KIF1A: variants seen among roughly 807,000 people sequenced by gnomAD.
The protein encoded by KIF1A is kinesin-like protein KIF1A.
In KIF1A, 46 loss-of-function variants were observed where a neutral mutation model predicts 227.3. The ratio of observed to expected loss-of-function variants is 0.20; its 90% CI spans 0.16 to 0.26. The LOEUF is 0.26. KIF1A is among the 10% of genes least tolerant of loss of function. The pLI is 1.00. For missense variants in KIF1A, 1,683 were observed against 2,485.9 expected, an observed-to-expected ratio of 0.68 and a Z score of 6.87; for synonymous variants, 1,022 against 1,012.8, an observed-to-expected ratio of 1.01 and a Z score of -0.17.
intron 23 of KIF1A, among the ~76,000 whole-genome samples, chr2:240,761,764 G>A (rs1156420142): frequency 2.6e-5 from 4 of 152,182 alleles, no homozygotes; most frequent in East Asian, 3.8e-4. Context: ...AGGAGAGGCC[G>A]CCACGAGCAG....
Position 240,775,819 on chromosome 2 carries a change from C to A in KIF1A, c.958+32G>T. ...GGCACAGCCCAGGGTGGGATCAGAG[C>A]CCTGGGGACAGGCAAACCCACAAGT... On this transcript the variant is annotated intron_variant, in intron 11 of 48. Coordinates refer to ENST00000498729, the MANE Select transcript of KIF1A (RefSeq NM_001244008.2). The surrounding 1 kb of genome is among the most constrained non-coding windows in gnomAD (Gnocchi z 5.5). 6.8e-7 allele frequency: 1 copy of A among 1,469,580 alleles called. No homozygotes were observed. Among genetic ancestry groups the A allele is most frequent in the Non-Finnish European group, 9.5e-7 (1 of 1,048,232 alleles). The allele number at this position is 1,469,580 out of a possible 1,614,324, so 91.0% of individuals were successfully genotyped here.
chr2:240,796,099 C>T (rs990042598), intron 2 of KIF1A, among the ~76,000 whole-genome samples: 6 of 152,150 alleles, frequency 3.9e-5, no homozygotes, highest in African/African-American at 7.2e-5. Flanking sequence ...GTGGAACAGG[C>T]GTCCTCTGCC....
At chr2:240,741,216 G>A (rs4414678) in intron 35 of KIF1A, 53 bp downstream of exon 35, 102 of 1,272,502 alleles carry the variant, frequency 8.0e-5, no homozygotes, top group Non-Finnish European at 1.1e-4. Context: ...GTCCCTCTCC[G>A]CGCACCCCCC....
At position 240,790,343 on chromosome 2, in the gene KIF1A, C is replaced by T. The variant is rs1010255130; in HGVS notation, c.107-1031G>A. ...CCATCACATCAGCAAACCTGAAGAA[C>T]GAAGCCCTCATGGCACCGTCCTATG... On this transcript the variant is annotated intron_variant, in intron 2 of 48. Coordinates refer to ENST00000498729, the MANE Select transcript of KIF1A (RefSeq NM_001244008.2). The surrounding 1 kb of genome is among the most constrained non-coding windows in gnomAD (Gnocchi z 5.0). Among the ~76,000 whole-genome samples, 2 of 152,012 alleles carry T rather than the reference C, an allele frequency of 1.3e-5. No homozygotes were observed. Among genetic ancestry groups the T allele is most frequent in the African/African-American group, 2.4e-5 (1 of 41,418 alleles).
chr2:240,806,190 G>A (rs868667793), intron 1 of KIF1A, among the ~76,000 whole-genome samples: 32 of 152,224 alleles, frequency 2.1e-4, no homozygotes, highest in African/African-American at 7.7e-4. Flanking sequence ...GCTTTGACAG[G>A]TTGAGAAGAT....
At chr2:240,751,307 G>A (rs1358702484) in intron 27 of KIF1A, among the ~76,000 whole-genome samples, 2 of 152,186 alleles carry the variant, frequency 1.3e-5, no homozygotes, top group African/African-American at 4.8e-5. Context: ...ACAGCCAGGC[G>A]GAAGGATACC....
At position 240,775,873 on chromosome 2, in the gene KIF1A, G is replaced by A. The variant is rs1397144896; in HGVS notation, c.936C>T (p.Thr312=). 1 of 1,611,720 alleles carries A rather than the reference G, an allele frequency of 6.2e-7. No individual in the cohort carries two copies. Among genetic ancestry groups the A allele is most frequent in the East Asian group, 2.2e-5 (1 of 44,870 alleles). Residue 312 remains threonine (T), a synonymous_variant, in exon 11 of 49, where the codon ACC becomes ACT. Coordinates refer to ENST00000498729, the MANE Select transcript of KIF1A (RefSeq NM_001244008.2). This position sits in a 1 kb window ranked among gnomAD's most constrained non-coding sequence, Gnocchi z 5.5. The stretch of plus-strand genomic sequence containing the variant: ...CACCCAGGTTTTCCCGGAGGAGCCA[G>A]GTCAACACGGAATCTCGGTACGGAA... ...DFIPYRDSVL[T]WLLRENLGGN... is the part of the protein sequence containing the mutation.
At chr2:240,744,759 C>A (rs1029747480) in intron 32 of KIF1A, among the ~76,000 whole-genome samples, 7 of 152,306 alleles carry the variant, frequency 4.6e-5, no homozygotes, top group East Asian at 1.9e-4. Flanking sequence ...TTTTTAGATG[C>A]CCCCACCTGT....
intron 10 of KIF1A, among the ~76,000 whole-genome samples, chr2:240,777,012 C>T (rs2052823318): frequency 6.6e-6 from 1 of 152,156 alleles, no homozygotes; most frequent in Non-Finnish European, 1.5e-5. Context: ...TAGGGACTAA[C>T]TCTACTCTAT....
rs906923789 is a variant in KIF1A, at chr2:240,727,605, G to T, written c.4008-665C>A. Among the ~76,000 whole-genome samples, 9 of 152,348 alleles carry T rather than the reference G, an allele frequency of 5.9e-5. No homozygotes were observed. In the East Asian group the frequency reaches 1.4e-3, roughly 23 times the overall value. Reference sequence around the variant, plus strand: ...CTGCTGCAAGGCCGTGTGCAAAAGCGTCTCTGTTAGCACACGGGAGACAGC... The same window carrying T: ...CTGCTGCAAGGCCGTGTGCAAAAGCTTCTCTGTTAGCACACGGGAGACAGC... On this transcript the variant is annotated intron_variant, in intron 38 of 48. Coordinates refer to ENST00000498729, the MANE Select transcript of KIF1A (RefSeq NM_001244008.2).
chr2:240,758,871 G>A lies in KIF1A; in HGVS notation c.2445-374C>T, dbSNP rs565607424. ...GAAACGGGGATCAGGCCACAGAGGC[G>A]CAAGAGCTCGAGGAATAAAGGGCAA... On this transcript the variant is annotated intron_variant, in intron 25 of 48. Coordinates refer to ENST00000498729, the MANE Select transcript of KIF1A (RefSeq NM_001244008.2). This position sits in a 1 kb window ranked among gnomAD's most constrained non-coding sequence, Gnocchi z 5.2. 8.5e-5 allele frequency among the ~76,000 whole-genome samples: 13 copies of A among 152,300 alleles called. No homozygotes were observed. Among genetic ancestry groups the A allele is most frequent in the East Asian group, 3.9e-4 (2 of 5,182 alleles).
rs1465333210 is a variant in KIF1A at position 240,739,366 on chromosome 2, G to A, written c.3901+692C>T. ...CCCGAATTCGAAACATGAGGTCATG[G>A]AAGAAAAGAGTGTAAGATCCTTGGT... On this transcript the variant is annotated intron_variant, in intron 37 of 48. Transcript: ENST00000498729. The surrounding 1 kb of genome is among the most constrained non-coding windows in gnomAD (Gnocchi z 5.6). 6.6e-6 allele frequency among the ~76,000 whole-genome samples: 1 copy of A among 152,234 alleles called. No individual in the cohort carries two copies. The highest frequency in any genetic ancestry group is 2.4e-5 in the African/African-American group (1 of 41,464).
chr2:240,761,609 C>A (rs780751726), intron 23 of KIF1A, among the ~76,000 whole-genome samples: 5 of 152,210 alleles, frequency 3.3e-5, no homozygotes, highest in Non-Finnish European at 7.3e-5. Flanking sequence ...TCTCCCCAGG[C>A]TTCCTCTCAC....
At chr2:240,794,201 CCTT>C (rs1444388237) in intron 2 of KIF1A, among the ~76,000 whole-genome samples, 3 of 152,226 alleles carry the variant, frequency 2.0e-5, no homozygotes, top group African/African-American at 7.2e-5. Flanking sequence ...TAGGGGACAT[CCTT>C]CTCTCCTGAG....
chr2:240,762,959 G>A (rs2050710980), intron 22 of KIF1A, 60 bp downstream of exon 22: 2 of 1,212,780 alleles, frequency 1.6e-6, no homozygotes, highest in Non-Finnish European at 2.2e-6. Context: ...GGCGTGGGAG[G>A]ACAGGGGTCC....
intron 5 of KIF1A, 146 bp from the exon 6 acceptor site, chr2:240,786,659 G>GAGAT: frequency 2.0e-6 from 1 of 510,782 alleles, no homozygotes; most frequent in Non-Finnish European, 3.1e-6. Context: ...CCTGAGTGAG[G>GAGAT]GGGTGGGGGC....
intron 25 of KIF1A, among the ~76,000 whole-genome samples, chr2:240,760,212 G>A (rs553582789): frequency 1.3e-5 from 2 of 152,272 alleles, no homozygotes; most frequent in South Asian, 2.1e-4. Context: ...CCACCTCCCG[G>A]CAGCTTCCTG....
chr2:240,812,400 C>T (rs1264632728), intron 1 of KIF1A, among the ~76,000 whole-genome samples: 1 of 152,220 alleles, frequency 6.6e-6, no homozygotes, highest in Non-Finnish European at 1.5e-5. Context: ...GAGGCCCATG[C>T]TGCAGAGCAT....
intron 1 of KIF1A, among the ~76,000 whole-genome samples, chr2:240,809,399 G>A (rs543828462): frequency 2.6e-5 from 4 of 152,320 alleles, no homozygotes; most frequent in South Asian, 2.1e-4. Flanking sequence ...AGGCCATCAC[G>A]AGTGCAACAG....
Sources: allele counts gnomAD v4.1 joint callset (sites outside exome capture counted in the v4.1 genomes callset), GRCh38; gene constraint gnomAD v4.1.1; non-coding constraint Gnocchi (gnomAD v3.1); transcripts MANE v1.5; gene names NCBI Gene and HGNC (gene_info 2026-07-23, HGNC 2026-07-21).